The following RSRC1 variants were observed in gnomAD, a reference collection of about 807,000 sequenced individuals.
RSRC1 encodes serine/Arginine-related protein 53.
RSRC1 carries 39 observed loss-of-function variants against 49.1 expected under a neutral mutation model. That is an observed-to-expected ratio of 0.79 (90% CI 0.61 to 1.04). The LOEUF is 1.04. Ranked by LOEUF, RSRC1 falls within the 50% of genes least tolerant of loss-of-function variation. The probability of loss-of-function intolerance (pLI) is 0.00; values close to 1 mark genes in which losing one functional copy is unlikely to be tolerated. For missense variants in RSRC1, 388 were observed against 402.4 expected (o/e 0.96, Z 0.31); for synonymous variants, 143 against 130.8 (o/e 1.09, Z -0.63).
At chr3:158,207,829 A>G (rs1351668461) in intron 4 of RSRC1, among the ~76,000 whole-genome samples, 1 of 152,188 alleles carries the variant, frequency 6.6e-6, no homozygotes, top group Non-Finnish European at 1.5e-5. Context: ...AATGAGCTTA[A>G]TAATGAGGGA....
rs1250133003 is a variant in RSRC1 at position 158,242,010 on chromosome 3, T to C, written c.494+38765T>C. On this transcript the variant is annotated intron_variant, in intron 4 of 9. Transcript: ENST00000611884. ...CTATCATTCACAGACATTTTCATTC[T>C]TTGTTTTTCTTAATTTCCAACCTTT... is the stretch of plus-strand genomic sequence containing the variant. Among the ~76,000 whole-genome samples the C allele has an allele frequency of 3.3e-5, 5 of 151,744 alleles. No homozygotes were observed. The East Asian group carries it at 9.6e-4, about 29-fold the overall frequency.
rs111525560 is a variant in RSRC1, at chr3:158,441,663, T to G, written c.584-19272T>G. Among the ~76,000 whole-genome samples, 1,108 of 152,228 alleles carry G rather than the reference T, an allele frequency of 7.3e-3. 19 individuals are homozygous for G. Among genetic ancestry groups the G allele is most frequent in the African/African-American group, 0.026 (1,075 of 41,546 alleles). On this transcript the variant is annotated intron_variant, in intron 6 of 9. Transcript: ENST00000611884. ...AACATTAGCATCACATGGAACTTGT[T>G]AAAAATGCAAAATCTCAGAATACAG... is the stretch of plus-strand genomic sequence containing the variant.
chr3:158,431,753 A>G (rs1251162551), intron 6 of RSRC1, among the ~76,000 whole-genome samples: 1 of 151,866 alleles, frequency 6.6e-6, no homozygotes, highest in African/African-American at 2.4e-5. Context: ...GATTTTCTAA[A>G]TTGTTTAATA....
chr3:158,234,301 G>T (rs1022773523), intron 4 of RSRC1, among the ~76,000 whole-genome samples: 1 of 152,022 alleles, frequency 6.6e-6, no homozygotes, highest in Non-Finnish European at 1.5e-5. Context: ...GAGTTTAATC[G>T]GGAGATTTAA....
chr3:158,263,113 C>G (rs1402270743), intron 4 of RSRC1, among the ~76,000 whole-genome samples: 3 of 152,042 alleles, frequency 2.0e-5, no homozygotes, highest in South Asian at 2.1e-4. Context: ...TACTTATGAT[C>G]TTAGGTAATA....
At chr3:158,464,434 T>C (rs1737774164) in intron 7 of RSRC1, among the ~76,000 whole-genome samples, 1 of 152,164 alleles carries the variant, frequency 6.6e-6, no homozygotes, top group African/African-American at 2.4e-5. Flanking sequence ...ACCCATCTGT[T>C]AGTTTTTTTA....
At chr3:158,479,358 G>A (rs953018374) in intron 7 of RSRC1, among the ~76,000 whole-genome samples, 44 of 151,516 alleles carry the variant, frequency 2.9e-4, no homozygotes, top group African/African-American at 1.0e-3. Flanking sequence ...TTGTTATTCA[G>A]CCTGCCAACA....
chr3:158,436,293 G>A (rs1222132996), intron 6 of RSRC1, among the ~76,000 whole-genome samples: 1 of 151,874 alleles, frequency 6.6e-6, no homozygotes, highest in Admixed American at 6.6e-5. Flanking sequence ...TGAGATAATA[G>A]GGCAATGCAT....
At chr3:158,434,108 A>G (rs1735916988) in intron 6 of RSRC1, among the ~76,000 whole-genome samples, 1 of 151,958 alleles carries the variant, frequency 6.6e-6, no homozygotes, top group Non-Finnish European at 1.5e-5. Flanking sequence ...TGCTAAAACT[A>G]AAATCCAGTT....
chr3:158,244,164 G>A (rs1190392748), intron 4 of RSRC1, among the ~76,000 whole-genome samples: 1 of 152,048 alleles, frequency 6.6e-6, no homozygotes, highest in Non-Finnish European at 1.5e-5. Context: ...ATACTATGTT[G>A]AATAGGAGTG....
At chr3:158,333,117 T>C (rs73013320) in intron 5 of RSRC1, among the ~76,000 whole-genome samples, 46,810 of 152,000 alleles carry the variant, frequency 0.31, 8,707 homozygotes, top group African/African-American at 0.52. Flanking sequence ...TACAGGTGTC[T>C]GCCACCATGC....
intron 8 of RSRC1, among the ~76,000 whole-genome samples, chr3:158,541,327 C>T (rs1389914038): frequency 6.6e-6 from 1 of 152,174 alleles, no homozygotes; most frequent in African/African-American, 2.4e-5. Flanking sequence ...CATTCTTTGT[C>T]AGCACCTTGT....
intron 6 of RSRC1, among the ~76,000 whole-genome samples, chr3:158,407,609 C>CTT (rs1355598724): frequency 6.6e-6 from 1 of 151,934 alleles, no homozygotes; most frequent in Non-Finnish European, 1.5e-5. Flanking sequence ...TCCTGGGATT[C>CTT]TTATTAATCT....
chr3:158,535,384 A>G (rs535152532), intron 7 of RSRC1, among the ~76,000 whole-genome samples: 1 of 151,588 alleles, frequency 6.6e-6, no homozygotes, highest in African/African-American at 2.4e-5. Context: ...AATATAAAAT[A>G]AAAGACTTTC....
chr3:158,493,993 G>A (rs1187446263), intron 7 of RSRC1, among the ~76,000 whole-genome samples: 1 of 152,118 alleles, frequency 6.6e-6, no homozygotes, highest in African/African-American at 2.4e-5. Flanking sequence ...ACCTGAGATA[G>A]ATTACAAAAA....
chr3:158,416,784 CT>C (rs1013172582), intron 6 of RSRC1, among the ~76,000 whole-genome samples: 6 of 151,816 alleles, frequency 4.0e-5, no homozygotes, highest in Admixed American at 2.0e-4. Flanking sequence ...TGTTGTACTT[CT>C]TTTTTTTCTT....
chr3:158,307,447 A>G (rs1727896585), intron 5 of RSRC1, among the ~76,000 whole-genome samples: 1 of 151,946 alleles, frequency 6.6e-6, no homozygotes, highest in African/African-American at 2.4e-5. Flanking sequence ...ATGTTTTAGA[A>G]TATGCTTAGC....
At chr3:158,219,678 G>T (rs148383296) in intron 4 of RSRC1, among the ~76,000 whole-genome samples, 1 of 151,638 alleles carries the variant, frequency 6.6e-6, no homozygotes, top group Non-Finnish European at 1.5e-5. Flanking sequence ...TAAGGAGAAT[G>T]GATTGAAGGC....
At chr3:158,448,038 C>A (rs1182943212) in intron 6 of RSRC1, among the ~76,000 whole-genome samples, 1 of 151,324 alleles carries the variant, frequency 6.6e-6, no homozygotes, top group African/African-American at 2.4e-5. Context: ...TTTTTTTTCA[C>A]AAGGAATAAT....
Sources: gnomAD v4.1 joint callset for allele counts (sites outside exome capture counted in the v4.1 genomes callset) on GRCh38, gnomAD v4.1.1 for gene constraint, MANE v1.5 for transcripts, NCBI Gene and HGNC (gene_info 2026-07-23, HGNC 2026-07-21) for gene names.